Variants in CEP295 observed in about 807,000 individuals in gnomAD.
The protein encoded by CEP295 is centrosomal protein 295.
Under a neutral mutation model 291.6 loss-of-function variants are expected in CEP295, and 190 were observed. The ratio of observed to expected loss-of-function variants is 0.65; its 90% CI spans 0.58 to 0.73. CEP295 has a LOEUF of 0.73. CEP295 is among the 30% of genes least tolerant of loss of function. The probability of loss-of-function intolerance (pLI) is 0.00; values close to 1 mark genes in which losing one functional copy is unlikely to be tolerated. For missense variants in CEP295, 2,863 were observed against 2,949.4 expected, an observed-to-expected ratio of 0.97 and a Z score of 0.68; for synonymous variants, 993 against 1,038.8, an observed-to-expected ratio of 0.96 and a Z score of 0.85.
At chr11:93,662,295 C>G (rs139314906) in intron 1 of CEP295, among the ~76,000 whole-genome samples, 16 of 152,350 alleles carry the variant, frequency 1.1e-4, no homozygotes, top group African/African-American at 3.8e-4. Context: ...AGACTTCACG[C>G]TAAGTCACAT....
In CEP295 at chr11:93,699,193, A is replaced by G. The variant is rs562708734; in HGVS notation, c.4281A>G (p.Ile1427Met). The G allele has an allele frequency of 1.1e-5, 17 of 1,551,952 alleles. No individual in the cohort carries two copies. The South Asian group carries it at 1.8e-4, about 16-fold the overall frequency. The change falls in exon 15 of 30, where the codon ATA becomes ATG. Residue 1427 changes from isoleucine (I) to methionine (M), a missense_variant. Ile to Met is a conservative substitution (Grantham distance 10). Coordinates refer to ENST00000325212, the MANE Select transcript of CEP295 (RefSeq NM_033395.2). The part of the protein sequence containing the change: ...QEPCSINSDN[I>M]VSSGHSEIPT... The stretch of plus-strand genomic sequence containing the variant: ...CATGTTCAATTAACAGTGATAATAT[A>G]GTATCCTCAGGTCACTCAGAGATAC...
rs1039979576 is a variant in CEP295 at position 93,698,699 on chromosome 11, T to C, written c.3787T>C (p.Trp1263Arg). ...LQDNLEEHQA[W>R]LDTEKEAFHF... ...AGATAATTTGGAGGAACACCAAGCA[T>C]GGCTAGACACTGAGAAAGAAGCCTT... Residue 1263 changes from tryptophan to arginine, a missense_variant, in exon 15 of 30, where the codon TGG (tryptophan) becomes CGG (arginine). Physicochemically the swap from Trp to Arg is moderately radical, Grantham distance 101 (BLOSUM62 -3). Around this residue, in one of 3 missense-constraint regions of CEP295, gnomAD observed 2,295 missense variants for 2,335.7 expected, o/e 0.98. Coordinates refer to ENST00000325212, the MANE Select transcript of CEP295 (RefSeq NM_033395.2). The C allele has an allele frequency of 2.3e-5, 36 of 1,551,174 alleles. No individual in the cohort carries two copies. The African/African-American group carries it at 4.7e-4, about 20-fold the overall frequency.
chr11:93,669,413 T>TG (rs1446782228), intron 4 of CEP295, among the ~76,000 whole-genome samples: 3 of 100,698 alleles, frequency 3.0e-5, no homozygotes, highest in African/African-American at 6.7e-5. Flanking sequence ...ACAACATTTC[T>TG]GTTTTTTTTT....
intron 8 of CEP295, 87 bp from the exon 9 acceptor site, chr11:93,683,877 G>A (rs1454809171): frequency 4.8e-6 from 7 of 1,452,506 alleles, no homozygotes; most frequent in Non-Finnish European, 3.7e-6. Flanking sequence ...TTTAGATTGA[G>A]ACATTACCGT....
rs1381314392 is a variant in CEP295 at position 93,699,278 on chromosome 11, T to G, written c.4366T>G (p.Leu1456Val). ...TCTTGTTTTACCTCAACAAGATAAT[T>G]TGATTGCACTTGAAGAACACTTGCA... ...SHLVLPQQDN[L>V]IALEEHLHAQ... The change falls in exon 15 of 30, where the codon TTG (leucine) becomes GTG (valine). Residue 1456 changes from leucine to valine, a missense_variant. By Grantham distance (32) the Leu-to-Val change is conservative. Transcript: ENST00000325212. 6.4e-7 allele frequency: 1 copy of G among 1,551,920 alleles called. No homozygotes were observed. The highest frequency in any genetic ancestry group is 1.2e-5 in the South Asian group (1 of 84,050).
intron 13 of CEP295, 79 bp downstream of exon 13, chr11:93,695,713 GA>G: frequency 9.7e-6 from 14 of 1,440,712 alleles, no homozygotes; most frequent in Non-Finnish European, 1.3e-5. Context: ...GTAGCGTTTA[GA>G]AAAGTAAAAT....
intron 10 of CEP295, 129 bp from the exon 11 acceptor site, chr11:93,691,554 C>T: frequency 1.6e-6 from 1 of 612,724 alleles, no homozygotes; most frequent in Non-Finnish European, 2.9e-6. Context: ...AGGAAGGTTA[C>T]TGGATCTTAA....
intron 21 of CEP295, 191 bp from the exon 22 acceptor site, chr11:93,724,063 T>A: frequency 9.1e-6 from 4 of 437,176 alleles, no homozygotes; most frequent in Non-Finnish European, 1.6e-5. Flanking sequence ...TTTGAAATAA[T>A]CATGATAGGA....
chr11:93,688,897 T>A (rs967562393), intron 10 of CEP295, among the ~76,000 whole-genome samples: 4 of 152,210 alleles, frequency 2.6e-5, no homozygotes, highest in Non-Finnish European at 5.9e-5. Flanking sequence ...TCCCACCACA[T>A]ACCTGCTTTT....
intron 18 of CEP295, among the ~76,000 whole-genome samples, chr11:93,713,221 A>G (rs1290134862): frequency 6.6e-6 from 1 of 152,188 alleles, no homozygotes; most frequent in Non-Finnish European, 1.5e-5. Context: ...CTGTTTAAGT[A>G]TGAGTAGTTT....
At chr11:93,665,608 T>TGAGGCAGGAGAATCACTTG (rs1950173172) in intron 1 of CEP295, among the ~76,000 whole-genome samples, 1 of 152,178 alleles carries the variant, frequency 6.6e-6, no homozygotes. Flanking sequence ...CTCAGGAGGC[T>TGAGGCAGGAGAATCACTTG]GAGGCAGGAG....
chr11:93,662,266 A>C (rs1210328714), intron 1 of CEP295, among the ~76,000 whole-genome samples: 1 of 152,234 alleles, frequency 6.6e-6, no homozygotes, highest in African/African-American at 2.4e-5. Flanking sequence ...TGAGTCCTTA[A>C]TACTTAGAGT....
At chr11:93,703,162 C>T (rs1334923613) in intron 17 of CEP295, among the ~76,000 whole-genome samples, 1 of 152,208 alleles carries the variant, frequency 6.6e-6, no homozygotes, top group East Asian at 1.9e-4. Context: ...CAGGGTTTCA[C>T]CATATTGGCC....
chr11:93,701,702 C>G (rs1952170158), intron 15 of CEP295, among the ~76,000 whole-genome samples: 1 of 152,030 alleles, frequency 6.6e-6, no homozygotes, highest in African/African-American at 2.4e-5. Flanking sequence ...TTCCCTGGTT[C>G]AAGCGATTCT....
In CEP295 at chr11:93,700,154, G is replaced by C; in HGVS notation, c.5242G>C (p.Glu1748Gln). The C allele has an allele frequency of 6.5e-7, 1 of 1,550,172 alleles. No homozygotes were observed. Residue 1748 changes from glutamate to glutamine, a missense_variant, in exon 15 of 30, where the codon GAG (glutamate) becomes CAG (glutamine). Glu to Gln is a conservative substitution (Grantham distance 29). Transcript: ENST00000325212. ...GCAGCAGCAGATACAGAAACATGAA[G>C]AGACTTTGAAGGATTTCTTTAAAGA... Reference protein sequence around the residue: ...ALQQQIQKHEETLKDFFKDSQ... With the variant: ...ALQQQIQKHEQTLKDFFKDSQ...
At chr11:93,707,831 T>G (rs1298036674) in intron 18 of CEP295, among the ~76,000 whole-genome samples, 1 of 152,178 alleles carries the variant, frequency 6.6e-6, no homozygotes, top group Non-Finnish European at 1.5e-5. Context: ...TAAGATAATT[T>G]ACTTGTATCT....
At chr11:93,685,700 C>CTTTG (rs55948111) in intron 9 of CEP295, among the ~76,000 whole-genome samples, 78,965 of 150,446 alleles carry the variant, frequency 0.52, 21,145 homozygotes, top group Non-Finnish European at 0.59. Context: ...TCAGCTGTGT[C>CTTTG]TTTGTTTGTT....
intron 23 of CEP295, 103 bp from the exon 24 acceptor site, chr11:93,726,873 T>C (rs1414904060): frequency 1.2e-6 from 1 of 863,054 alleles, no homozygotes; most frequent in Non-Finnish European, 1.7e-6. Context: ...TGCCTAAAAT[T>C]GTAGGTTACT....
At chr11:93,721,849 A>G in intron 19 of CEP295, 105 bp from the exon 20 acceptor site, 1 of 777,502 alleles carries the variant, frequency 1.3e-6, no homozygotes, top group South Asian at 1.5e-5. Context: ...GATGGTTTCT[A>G]CACTTGACCT....
Sources: gnomAD v4.1 joint callset for allele counts (sites outside exome capture counted in the v4.1 genomes callset) on GRCh38, gnomAD v4.1.1 for gene constraint, gnomAD v4.1.1 regional missense constraint, MANE v1.5 for transcripts, NCBI Gene and HGNC (gene_info 2026-07-23, HGNC 2026-07-21) for gene names.